The following CD207 variants were observed in gnomAD, a reference collection of about 807,000 sequenced individuals.
The protein encoded by CD207 is CD207 molecule.
In CD207, 28 loss-of-function variants were observed where a neutral mutation model predicts 31.6. The ratio of observed to expected loss-of-function variants is 0.89; its 90% confidence interval spans 0.66 to 1.21. The LOEUF (loss-of-function observed/expected upper bound fraction) is 1.21. Ranked by LOEUF, CD207 falls within the 50% of genes most tolerant of loss-of-function variation. The probability of loss-of-function intolerance (pLI) is 0.00; values close to 1 mark genes in which losing one functional copy is unlikely to be tolerated. For missense variants in CD207, 388 were observed against 397.8 expected, an observed-to-expected ratio of 0.98 and a Z score of 0.21; for synonymous variants, 168 against 153.9, an observed-to-expected ratio of 1.09 and a Z score of -0.68.
Position 70,835,513 on chromosome 2 carries a change from G to A in CD207, c.168C>T (p.Ser56=), listed in dbSNP as rs201606068. The change falls in exon 2 of 6, where the codon TCC becomes TCT. Residue 56 remains serine, a synonymous_variant. Transcript: ENST00000410009. ...TACAAAGGACGGCCTGCAGCAGGAC[G>A]GAGGCGACCAGGACCAGCGTCAGGC... is the stretch of plus-strand genomic sequence containing the variant. ...LICLTLVLVA[S]VLLQAVLYPR... 1.5e-4 allele frequency: 244 copies of A among 1,613,438 alleles called. No homozygotes were observed. Among genetic ancestry groups the A allele is most frequent in the African/African-American group, 2.4e-4 (18 of 75,022 alleles).
chr2:70,831,898 G>C (rs143492449), intron 4 of CD207, 79 bp from the exon 5 acceptor site: 1 of 936,962 alleles, frequency 1.1e-6, no homozygotes, highest in Non-Finnish European at 1.7e-6. Context: ...CTTCACCTGC[G>C]CTCAGTGACA....
Position 70,830,275 on chromosome 2 carries a change from T to G in CD207, c.*775A>C, listed in dbSNP as rs2104697783. On this transcript the variant is annotated 3_prime_UTR_variant, in exon 6 of 6. Transcript: ENST00000410009. ...CTGGAAGGTGAATTCATGAAGGCACTGAAGGCTGCTTCCCATGCACAAGAC... is the reference window on the plus strand; with the variant it reads ...CTGGAAGGTGAATTCATGAAGGCACGGAAGGCTGCTTCCCATGCACAAGAC... 6.6e-6 allele frequency: 1 copy of G among 152,424 alleles called. No homozygotes were observed. Among genetic ancestry groups the G allele is most frequent in the South Asian group, 2.1e-4 (1 of 4,828 alleles). 9.4% of individuals were successfully genotyped at this position (152,424 alleles called of 1,614,324 possible).
intron 4 of CD207, 107 bp from the exon 5 acceptor site, chr2:70,831,926 C>A (rs528930512): frequency 1.2e-5 from 9 of 742,582 alleles, no homozygotes; most frequent in African/African-American, 1.7e-5. Context: ...CCCACAGATG[C>A]GCTGCACAAA....
At chr2:70,834,745 G>C (rs1677566110) in intron 2 of CD207, among the ~76,000 whole-genome samples, 1 of 152,060 alleles carries the variant, frequency 6.6e-6, no homozygotes, top group Non-Finnish European at 1.5e-5. Flanking sequence ...ACTCTGCTCA[G>C]AGCCTACAAG....
downstream of CD207, among the ~76,000 whole-genome samples, chr2:70,828,237 G>A (rs879973964): frequency 1.3e-5 from 2 of 152,206 alleles, no homozygotes; most frequent in Non-Finnish European, 2.9e-5. Flanking sequence ...CTTCCTGGGC[G>A]AGGCCACACT....
At chr2:70,824,561 A>C in the CD207 span, among the ~76,000 whole-genome samples, 1 of 147,490 alleles carries the variant, frequency 6.8e-6, no homozygotes, top group Non-Finnish European at 1.5e-5. Flanking sequence ...TGGGGCAGGA[A>C]ATACTCAAGA....
chr2:70,835,599 G>A lies in CD207; in HGVS notation c.82C>T (p.Pro28Ser), dbSNP rs373401682. 2 of 1,613,798 alleles carry A rather than the reference G, an allele frequency of 1.2e-6. No homozygotes were observed. The highest frequency in any genetic ancestry group is 2.7e-5 in the African/African-American group (2 of 74,940). ...NISLWPREPP[P>S]KSGPSLVPGK... Reference sequence around the variant, plus strand: ...GGGACCAGAGATGGACCGGACTTGGGAGGAGGCTCTGTTGGAAGAAGAAGA... The same window carrying A: ...GGGACCAGAGATGGACCGGACTTGGAAGGAGGCTCTGTTGGAAGAAGAAGA... The change falls in exon 2 of 6, where the codon CCC (proline) becomes TCC (serine). Residue 28 changes from proline (P) to serine (S), a missense_variant. Pro to Ser is a moderately conservative substitution (Grantham distance 74). Coordinates refer to ENST00000410009, the MANE Select transcript of CD207 (RefSeq NM_015717.5).
Position 70,830,500 on chromosome 2 carries a change from G to T in CD207, c.*550C>A, listed in dbSNP as rs1488111993. 6.6e-6 allele frequency: 1 copy of T among 152,604 alleles called. No individual in the cohort carries two copies. The highest frequency in any genetic ancestry group is 1.5e-5 in the Non-Finnish European group (1 of 68,350). The allele number at this position is 152,604 out of a possible 1,614,324, so 9.5% of individuals were successfully genotyped here. A position where few individuals can be genotyped will look rare whatever the true frequency, so the allele number is the denominator to read the frequency against. On this transcript the variant is annotated 3_prime_UTR_variant, in exon 6 of 6. Transcript: ENST00000410009. ...ACTGACTTGAACCAGAGAAGAACGGGTTCAGGCTTTAGATGATGTGGATGA... is the reference window on the plus strand; with the variant it reads ...ACTGACTTGAACCAGAGAAGAACGGTTTCAGGCTTTAGATGATGTGGATGA...
At chr2:70,835,060 G>C (rs1677574657) in intron 2 of CD207, among the ~76,000 whole-genome samples, 1 of 152,180 alleles carries the variant, frequency 6.6e-6, no homozygotes, top group Non-Finnish European at 1.5e-5. Flanking sequence ...CTCTCCATCT[G>C]GTGAGCTGGG....
chr2:70,828,755 T>C (rs2104696201), downstream of CD207, among the ~76,000 whole-genome samples: 1 of 152,254 alleles, frequency 6.6e-6, no homozygotes, highest in South Asian at 2.1e-4. Flanking sequence ...AACCTCTGCC[T>C]CCCAGATTCA....
intron 3 of CD207, 54 bp downstream of exon 3, chr2:70,833,592 G>GT: frequency 6.6e-7 from 1 of 1,517,226 alleles, no homozygotes; most frequent in Non-Finnish European, 8.8e-7. Flanking sequence ...TCTGGGACAG[G>GT]TAAGATCCCA....
At chr2:70,832,632 C>T (rs10204437) in intron 4 of CD207, among the ~76,000 whole-genome samples, 21,592 of 152,096 alleles carry the variant, frequency 0.14, 2,281 homozygotes, top group African/African-American at 0.3. Flanking sequence ...TGGGCAGAAG[C>T]TTTGCACAAT....
At chr2:70,834,067 C>G in intron 2 of CD207, 47 bp from the exon 3 acceptor site, 1 of 1,465,050 alleles carries the variant, frequency 6.8e-7, no homozygotes, top group Non-Finnish European at 9.0e-7. Flanking sequence ...GTCCCAGGGA[C>G]AGGAGTGGGG....
chr2:70,831,719 T>C lies in CD207; in HGVS notation c.818A>G (p.Asn273Ser), dbSNP rs782454322. 11 of 1,611,852 alleles carry C rather than the reference T, an allele frequency of 6.8e-6. No individual in the cohort carries two copies. In the Admixed American group the frequency reaches 1.2e-4, roughly 17 times the overall value. Residue 273 changes from asparagine to serine, a missense_variant, in exon 5 of 6, where the codon AAC becomes AGC. Physicochemically the swap from Asn to Ser is conservative, Grantham distance 46. Transcript: ENST00000410009. ...DWSWVDDTPF[N>S]KVQSVRFWIP... ...GGCTTACCTCACACTTTGGACCTTG[T>C]TGAATGGCGTGTCATCCACCCAGGA... is the stretch of plus-strand genomic sequence containing the variant.
In CD207 at chr2:70,832,902, G is replaced by A. The variant is rs1553400074; in HGVS notation, c.715C>T (p.Gln239Ter). Residue 239 changes from glutamine to a stop codon, truncating the protein, a stop_gained and splice_region_variant, in exon 4 of 6, where the codon CAG becomes TAG. Coordinates refer to ENST00000410009, the MANE Select transcript of CD207 (RefSeq NM_015717.5). LOFTEE classifies it high-confidence loss of function. Reference protein sequence around the residue: ...HLTSVTSESEQEFLYKTAGGL... With the variant: ...HLTSVTSESE ...GAGCCCATAGGCACAGCACTCACCT[G>A]CTCACTCTCTGAGGTCACCGAGGTC... The A allele has an allele frequency of 6.2e-7, 1 of 1,612,880 alleles. No individual in the cohort carries two copies. The highest frequency in any genetic ancestry group is 8.5e-7 in the Non-Finnish European group (1 of 1,179,222).
downstream of CD207, among the ~76,000 whole-genome samples, chr2:70,827,642 GCACA>G (rs564761516): frequency 2.0e-3 from 307 of 151,696 alleles, 1 homozygote; most frequent in Non-Finnish European, 1.7e-3. Context: ...GTGTGTGCGC[GCACA>G]CACACACACA....
chr2:70,835,170 T>C (rs1230910324), intron 2 of CD207, among the ~76,000 whole-genome samples: 2 of 152,106 alleles, frequency 1.3e-5, no homozygotes, highest in African/African-American at 4.8e-5. Context: ...GAGCTCAGAT[T>C]GGTGGGGGGT....
downstream of CD207, among the ~76,000 whole-genome samples, chr2:70,827,088 A>T (rs1248784978): frequency 6.6e-6 from 1 of 151,890 alleles, no homozygotes; most frequent in Admixed American, 6.6e-5. Context: ...CAGGCCTGTC[A>T]CACTCCTTCT....
At chr2:70,829,691 T>G (rs978621725), downstream of CD207, among the ~76,000 whole-genome samples, 3 of 152,304 alleles carry the variant, frequency 2.0e-5, no homozygotes, top group East Asian at 5.8e-4. Context: ...GGTCTTACAA[T>G]ACAAGCCTGT....
Sources: allele counts gnomAD v4.1 joint callset (sites outside exome capture counted in the v4.1 genomes callset), GRCh38; gene constraint gnomAD v4.1.1; transcripts MANE v1.5; gene names NCBI Gene and HGNC (gene_info 2026-07-23, HGNC 2026-07-21).